The following PRKCQ variants were observed in gnomAD, a reference collection of about 807,000 sequenced individuals.
PRKCQ encodes protein kinase C theta type.
In PRKCQ, 41 loss-of-function variants were observed where a neutral mutation model predicts 91.2. That is an observed-to-expected ratio of 0.45 (90% CI 0.35 to 0.58). The LOEUF is 0.58. Ranked by LOEUF, PRKCQ falls within the 20% of genes least tolerant of loss-of-function variation. PRKCQ has a pLI of 0.00. For missense variants in PRKCQ, 673 were observed against 896.5 expected (o/e 0.75, Z 3.18); for synonymous variants, 307 against 316.9 (o/e 0.97, Z 0.33).
intron 15 of PRKCQ, among the ~76,000 whole-genome samples, chr10:6,447,850 C>T (rs993612562): frequency 6.6e-6 from 1 of 152,146 alleles, no homozygotes; most frequent in Non-Finnish European, 1.5e-5. Flanking sequence ...TCATAAAGAC[C>T]CTGCAGGGCA....
At chr10:6,490,560 T>TAAAAA (rs71515438) in intron 8 of PRKCQ, among the ~76,000 whole-genome samples, 1 of 129,278 alleles carries the variant, frequency 7.7e-6, no homozygotes. Context: ...ACCATACCTC[T>TAAAAA]AAAAAAAAAA....
At chr10:6,459,358 G>C (rs1420028256) in intron 14 of PRKCQ, among the ~76,000 whole-genome samples, 1 of 149,550 alleles carries the variant, frequency 6.7e-6, no homozygotes, top group Non-Finnish European at 1.5e-5. Context: ...TGGCTCATCA[G>C]GTTTCTGGGG....
chr10:6,458,829 GGTTCTTCTTA>G lies in PRKCQ; in HGVS notation c.1509-2027_1509-2018del, dbSNP rs1048309056. The stretch of plus-strand genomic sequence containing the variant: ...TATTGTCAATAAAATATAATCTTAA[GGTTCTTCTTA>G]GTTCTAATACTCTAAGATTGGAAGT... On this transcript the variant is annotated intron_variant, in intron 14 of 17. Coordinates refer to ENST00000263125, the MANE Select transcript of PRKCQ (RefSeq NM_006257.5). Among the ~76,000 whole-genome samples the G allele has an allele frequency of 3.3e-5, 5 of 152,142 alleles. No homozygotes were observed. The South Asian group carries it at 8.3e-4, about 25-fold the overall frequency.
chr10:6,476,467 T>C (rs1030346519), intron 12 of PRKCQ, among the ~76,000 whole-genome samples: 7 of 152,146 alleles, frequency 4.6e-5, no homozygotes, highest in African/African-American at 1.7e-4. Context: ...TTAACAACTG[T>C]TAGTTTTTCA....
chr10:6,442,190 G>A, intron 15 of PRKCQ, 109 bp from the exon 16 acceptor site: 1 of 1,083,066 alleles, frequency 9.2e-7, no homozygotes, highest in Non-Finnish European at 1.3e-6. Flanking sequence ...ATGATGGTGT[G>A]CAAGAAAGAT....
chr10:6,453,299 G>A (rs1231511454), intron 15 of PRKCQ, among the ~76,000 whole-genome samples: 2 of 152,188 alleles, frequency 1.3e-5, no homozygotes, highest in African/African-American at 4.8e-5. Flanking sequence ...CATTTATGCA[G>A]CCAAAAGACA....
At chr10:6,424,484 T>C (rs561174126), downstream of PRKCQ, among the ~76,000 whole-genome samples, 3 of 152,124 alleles carry the variant, frequency 2.0e-5, no homozygotes, top group East Asian at 1.9e-4. Context: ...TTCCCCGAAG[T>C]TGGGAAAGGA....
intron 1 of PRKCQ, among the ~76,000 whole-genome samples, chr10:6,556,049 G>T (rs1301720477): frequency 6.6e-6 from 1 of 152,018 alleles, no homozygotes; most frequent in Non-Finnish European, 1.5e-5. Flanking sequence ...ACCAGGATAT[G>T]GTTTAGGAAT....
intron 12 of PRKCQ, among the ~76,000 whole-genome samples, chr10:6,477,333 C>T (rs946648581): frequency 6.6e-6 from 1 of 152,206 alleles, no homozygotes; most frequent in African/African-American, 2.4e-5. Flanking sequence ...AGCATATGCT[C>T]AGTAAGTGCT....
rs1476328210 is a variant in PRKCQ, at chr10:6,576,037, T to A, written c.-10+4174A>T. The stretch of plus-strand genomic sequence containing the variant: ...CCTGGCGACACAGCGAGACTCCATC[T>A]CAAAAAACACAAAACAAAAGACAGC... On this transcript the variant is annotated intron_variant, in intron 1 of 17. Transcript: ENST00000263125. The surrounding 1 kb of genome is among the most constrained non-coding windows in gnomAD (Gnocchi z 4.2). 6.6e-6 allele frequency among the ~76,000 whole-genome samples: 1 copy of A among 152,006 alleles called. No individual in the cohort carries two copies. Among genetic ancestry groups the A allele is most frequent in the East Asian group, 1.9e-4 (1 of 5,188 alleles).
chr10:6,507,377 A>G, intron 4 of PRKCQ, 59 bp downstream of exon 4: 1 of 1,448,454 alleles, frequency 6.9e-7, no homozygotes, highest in Non-Finnish European at 9.7e-7. Flanking sequence ...AATAAGCTGC[A>G]TTTGAGGAGA....
intron 1 of PRKCQ, among the ~76,000 whole-genome samples, chr10:6,553,206 G>C (rs1021592007): frequency 6.6e-6 from 1 of 152,100 alleles, no homozygotes; most frequent in Non-Finnish European, 1.5e-5. Context: ...ATGATCTCCT[G>C]GACCACACTT....
chr10:6,553,983 AC>A (rs986797973), intron 1 of PRKCQ, among the ~76,000 whole-genome samples: 45 of 151,526 alleles, frequency 3.0e-4, no homozygotes, highest in Non-Finnish European at 4.3e-4. Flanking sequence ...GTAAAAAAAA[AC>A]AGAGTGTCGC....
chr10:6,530,991 T>G (rs1037319860), intron 1 of PRKCQ, among the ~76,000 whole-genome samples: 13 of 152,120 alleles, frequency 8.5e-5, no homozygotes, highest in Admixed American at 7.9e-4. Context: ...AGAAAACTAT[T>G]AAGTTGTTTT....
chr10:6,454,330 GC>G (rs1367309989), intron 15 of PRKCQ, among the ~76,000 whole-genome samples: 1 of 152,122 alleles, frequency 6.6e-6, no homozygotes. Flanking sequence ...CAAGAGCCAG[GC>G]AAGAGATGCT....
intron 16 of PRKCQ, among the ~76,000 whole-genome samples, chr10:6,438,054 A>G (rs1833788489): frequency 6.6e-6 from 1 of 152,198 alleles, no homozygotes; most frequent in South Asian, 2.1e-4. Flanking sequence ...AAGTGCCTTT[A>G]ATTGATTGTT....
intron 3 of PRKCQ, 77 bp from the exon 4 acceptor site, chr10:6,507,573 C>T (rs887879089): frequency 5.2e-5 from 65 of 1,250,470 alleles, no homozygotes; most frequent in Admixed American, 4.5e-4. Context: ...TGGCTACTGA[C>T]GATGGCAGGA....
At chr10:6,421,900 G>A in the PRKCQ span, among the ~76,000 whole-genome samples, 1 of 152,172 alleles carries the variant, frequency 6.6e-6, no homozygotes, top group African/African-American at 2.4e-5. The surrounding 1 kb of genome is among the most constrained non-coding windows in gnomAD (Gnocchi z 4.1). Flanking sequence ...GACATGGAGG[G>A]TAGTCGTTTA....
chr10:6,571,784 ACAGAACAAGAC>A (rs1225310968), intron 1 of PRKCQ, among the ~76,000 whole-genome samples: 2 of 152,180 alleles, frequency 1.3e-5, no homozygotes, highest in African/African-American at 4.8e-5. Flanking sequence ...AACCTGAGCA[ACAGAACAAGAC>A]CCTGCCTCAA....
Sources: allele counts gnomAD v4.1 joint callset (sites outside exome capture counted in the v4.1 genomes callset), GRCh38; gene constraint gnomAD v4.1.1; non-coding constraint Gnocchi (gnomAD v3.1); transcripts MANE v1.5; gene names NCBI Gene and HGNC (gene_info 2026-07-23, HGNC 2026-07-21).